Variants in CCDC18 observed in about 807,000 individuals in gnomAD.
CCDC18 encodes the protein coiled-coil domain containing 18, also known as coiled-coil domain-containing protein 18.
Under a neutral mutation model 196.0 loss-of-function variants are expected in CCDC18, and 157 were observed. The observed-to-expected ratio is 0.80, with a 90% CI of 0.70 to 0.91. The LOEUF (loss-of-function observed/expected upper bound fraction) is 0.91. Among genes scored for constraint, CCDC18 ranks in the 40% least tolerant of loss-of-function variants. The pLI is 0.00. For synonymous variants in CCDC18, 482 were observed against 529.2 expected (o/e 0.91, Z 1.22); for missense variants, 1,465 against 1,611.6 (o/e 0.91, Z 1.56).
At chr1:93,180,946 C>G in intron 1 of CCDC18, 94 bp downstream of exon 1, 2 of 1,223,368 alleles carry the variant, frequency 1.6e-6, no homozygotes, top group Non-Finnish European at 2.2e-6. Context: ...TCCTTTCCCT[C>G]CCGGCACCTT....
At chr1:93,219,628 C>T (rs183643476) in intron 14 of CCDC18, among the ~76,000 whole-genome samples, 47 of 152,310 alleles carry the variant, frequency 3.1e-4, no homozygotes, top group African/African-American at 1.1e-3. Flanking sequence ...GATTTCATCA[C>T]GCTGCTCAGA....
intron 4 of CCDC18, among the ~76,000 whole-genome samples, chr1:93,187,379 G>T (rs1571330574): frequency 6.6e-6 from 1 of 151,916 alleles, no homozygotes; most frequent in East Asian, 1.9e-4. Context: ...ACATTACAGA[G>T]CAGTACACAC....
chr1:93,232,627 T>C (rs373136969), intron 18 of CCDC18, 34 bp downstream of exon 18: 566 of 1,447,994 alleles, frequency 3.9e-4, no homozygotes, highest in Non-Finnish European at 5.1e-4. Context: ...GTTTTATTTG[T>C]ATGAAATAGA....
upstream of CCDC18, chr1:93,180,333 G>A (rs189214802): frequency 1.6e-4 from 231 of 1,423,932 alleles, no homozygotes; most frequent in East Asian, 4.1e-3. Flanking sequence ...GGTTGACAGG[G>A]AAATCTGGAG....
chr1:93,224,419 C>A (rs1239657740), intron 16 of CCDC18, among the ~76,000 whole-genome samples: 2 of 152,164 alleles, frequency 1.3e-5, no homozygotes, highest in Non-Finnish European at 2.9e-5. Flanking sequence ...CAACATTGTC[C>A]GTACTAAAAT....
At chr1:93,192,596 C>A (rs545306575) in intron 5 of CCDC18, among the ~76,000 whole-genome samples, 1 of 152,248 alleles carries the variant, frequency 6.6e-6, no homozygotes, top group East Asian at 1.9e-4. Context: ...CTGTGCCCAG[C>A]TAAGCTTTTT....
intron 19 of CCDC18, among the ~76,000 whole-genome samples, chr1:93,237,854 A>G (rs1218708290): frequency 2.6e-5 from 4 of 152,120 alleles, no homozygotes; most frequent in Non-Finnish European, 5.9e-5. Flanking sequence ...TCTTTAACAT[A>G]CCTCAGCCAC....
In CCDC18 at chr1:93,264,826, T is replaced by C. The variant is rs1422876846; in HGVS notation, c.3810T>C (p.Thr1270=). ...AKLELEEAQD[T]VSNLHQQVQD... is the part of the protein sequence containing the mutation. ...TGGAATTAGAAGAAGCTCAGGATAC[T>C]GTAAGCAATTTGCATCAACAAGTCC... The change falls in exon 27 of 29, where the codon ACT becomes ACC. Residue 1270 remains threonine, a synonymous_variant. Coordinates refer to ENST00000690025, the MANE Select transcript of CCDC18 (RefSeq NM_001378204.1). 1 of 1,613,498 alleles carries C rather than the reference T, an allele frequency of 6.2e-7. No homozygotes were observed. Among genetic ancestry groups the C allele is most frequent in the African/African-American group, 1.3e-5 (1 of 74,914 alleles).
At chr1:93,270,849 TGTTTCC>T (rs1665197730) in intron 28 of CCDC18, 35 bp downstream of exon 28, 1 of 1,384,504 alleles carries the variant, frequency 7.2e-7, no homozygotes, top group Non-Finnish European at 9.5e-7. Flanking sequence ...TGTAATAATT[TGTTTCC>T]AAAGAATATC....
intron 12 of CCDC18, 38 bp from the exon 13 acceptor site, chr1:93,216,593 ACCTTT>A: frequency 9.9e-7 from 1 of 1,013,716 alleles, no homozygotes; most frequent in South Asian, 1.5e-5. Flanking sequence ...CAAAATCATT[ACCTTT>A]AAAAAATAAT....
At chr1:93,203,509 C>T (rs558250341) in intron 7 of CCDC18, among the ~76,000 whole-genome samples, 284 of 151,878 alleles carry the variant, frequency 1.9e-3, no homozygotes, top group African/African-American at 6.7e-3. Flanking sequence ...TGAAAGATAC[C>T]CTGGGAGATA....
chr1:93,271,037 G>C (rs549227103), intron 28 of CCDC18: 632 of 984,102 alleles, frequency 6.4e-4, no homozygotes, highest in Non-Finnish European at 7.4e-4. Flanking sequence ...GACAGAACAG[G>C]AAGTAGAACG....
upstream of CCDC18, chr1:93,180,262 G>A: frequency 6.3e-7 from 1 of 1,593,350 alleles, no homozygotes; most frequent in Non-Finnish European, 8.5e-7. Context: ...GGCGATCCCG[G>A]GCTGAAAGAG....
At chr1:93,227,168 G>A (rs980220342) in intron 17 of CCDC18, among the ~76,000 whole-genome samples, 3 of 144,834 alleles carry the variant, frequency 2.1e-5, no homozygotes, top group Non-Finnish European at 4.5e-5. Context: ...ATACTGCATT[G>A]GAAACCTTTT....
chr1:93,243,018 C>T (rs1661027334), intron 21 of CCDC18, among the ~76,000 whole-genome samples: 1 of 152,182 alleles, frequency 6.6e-6, no homozygotes, highest in Non-Finnish European at 1.5e-5. Context: ...GCTGTCAGTG[C>T]ATCTGTTATT....
upstream of CCDC18, chr1:93,180,414 A>G (rs1415312369): frequency 5.6e-6 from 7 of 1,247,552 alleles, no homozygotes; most frequent in Non-Finnish European, 7.7e-6. Context: ...GCAGTTCTCC[A>G]AAGGGTAGGG....
At chr1:93,268,536 A>G (rs938966319) in intron 27 of CCDC18, among the ~76,000 whole-genome samples, 2 of 152,108 alleles carry the variant, frequency 1.3e-5, no homozygotes, top group Admixed American at 6.5e-5. Flanking sequence ...CTCATCTGAC[A>G]AAGGGCTAAT....
intron 28 of CCDC18, among the ~76,000 whole-genome samples, chr1:93,276,921 G>A (rs1665654257): frequency 1.4e-5 from 2 of 139,186 alleles, no homozygotes; most frequent in African/African-American, 5.8e-5. Flanking sequence ...AGCATATGGA[G>A]GATCCCGCCA....
At chr1:93,205,138 A>G (rs1381434754) in intron 7 of CCDC18, among the ~76,000 whole-genome samples, 1 of 152,094 alleles carries the variant, frequency 6.6e-6, no homozygotes, top group South Asian at 2.1e-4. Context: ...TTTCTGTTCT[A>G]CATTTTGGGC....
Sources: gnomAD v4.1 joint callset for allele counts (sites outside exome capture counted in the v4.1 genomes callset) on GRCh38, gnomAD v4.1.1 for gene constraint, MANE v1.5 for transcripts, NCBI Gene and HGNC (gene_info 2026-07-23, HGNC 2026-07-21) for gene names.